The following JAK1 variants were observed in gnomAD, a reference collection of about 807,000 sequenced individuals.
JAK1 encodes tyrosine-protein kinase JAK1.
Under a neutral mutation model 136.6 loss-of-function variants are expected in JAK1, and 16 were observed. The ratio of observed to expected loss-of-function variants is 0.12; its 90% CI spans 0.08 to 0.18. JAK1 has a LOEUF of 0.18. Among genes scored for constraint, JAK1 ranks in the 10% least tolerant of loss-of-function variants. The pLI, the probability that JAK1 is intolerant of heterozygous loss-of-function variation, is 1.00. For synonymous variants in JAK1, 492 were observed against 519.5 expected (o/e 0.95, Z 0.72); for missense variants, 859 against 1,450.1 (o/e 0.59, Z 6.62).
At chr1:64,958,092 G>A (rs1286769240) in intron 1 of JAK1, among the ~76,000 whole-genome samples, 1 of 152,240 alleles carries the variant, frequency 6.6e-6, no homozygotes, top group African/African-American at 2.4e-5. Context: ...AAGGGCAGGA[G>A]CCAAGCCCAT....
At chr1:65,041,583 T>A (rs923703963) in intron 2 of JAK1, among the ~76,000 whole-genome samples, 1 of 152,144 alleles carries the variant, frequency 6.6e-6, no homozygotes, top group African/African-American at 2.4e-5. Flanking sequence ...GATCATCTGA[T>A]TCTGTATGTT....
chr1:65,060,593 T>C (rs1244373001), intron 1 of JAK1, among the ~76,000 whole-genome samples: 1 of 152,142 alleles, frequency 6.6e-6, no homozygotes, highest in Admixed American at 6.5e-5. Flanking sequence ...TTTCTCTCAT[T>C]TCATTTTTTT....
chr1:64,858,474 T>C (rs935722200), intron 9 of JAK1, among the ~76,000 whole-genome samples: 11 of 152,234 alleles, frequency 7.2e-5, no homozygotes, highest in African/African-American at 2.7e-4. Context: ...CTCATCTAGG[T>C]ACCCTTTCCG....
At chr1:65,016,170 A>G (rs189576597) in intron 2 of JAK1, among the ~76,000 whole-genome samples, 5 of 152,264 alleles carry the variant, frequency 3.3e-5, no homozygotes, top group Non-Finnish European at 5.9e-5. Flanking sequence ...AACTAGACGC[A>G]AGTTTGTCAG....
At position 64,860,088 on chromosome 1, in the gene JAK1, A is replaced by G; in HGVS notation, c.1334+17T>C. On this transcript the variant is annotated intron_variant, in intron 9 of 24. Transcript: ENST00000342505. The stretch of plus-strand genomic sequence containing the variant: ...TCTCTGCACACCAAAGGCAACTGAT[A>G]AGGTTCTAGGACCAACCAGATTGGA... 1 of 1,494,628 alleles carries G rather than the reference A, an allele frequency of 6.7e-7. No individual in the cohort carries two copies. Among genetic ancestry groups the G allele is most frequent in the Non-Finnish European group, 9.0e-7 (1 of 1,109,544 alleles). 92.6% of individuals were successfully genotyped at this position (1,494,628 alleles called of 1,614,324 possible).
At position 64,834,249 on chromosome 1, in the gene JAK1, G is replaced by A. The variant is rs549172032; in HGVS notation, c.*313C>T. On this transcript the variant is annotated 3_prime_UTR_variant, in exon 25 of 25. Coordinates refer to ENST00000342505, the MANE Select transcript of JAK1 (RefSeq NM_002227.4). ...TCAAAAATCCCCTTTTGGTAATGCA[G>A]TTGTGATGGTGAACTAGCCAGATGA... The A allele has an allele frequency of 1.6e-5, 4 of 248,830 alleles. No homozygotes were observed. The East Asian group carries it at 2.3e-4, about 14-fold the overall frequency. 15.4% of individuals were successfully genotyped at this position (248,830 alleles called of 1,614,324 possible).
In JAK1 at chr1:64,841,587, A is replaced by G. The variant is rs1439486888; in HGVS notation, c.2418T>C (p.Tyr806=). The G allele has an allele frequency of 1.2e-6, 2 of 1,614,022 alleles. No homozygotes were observed. The highest frequency in any genetic ancestry group is 2.2e-5 in the South Asian group (2 of 91,070). The part of the protein sequence containing the change: ...DKTLIEKERF[Y]ESRCRPVTPS... Reference sequence around the variant, plus strand: ...GTGTCACTGGCCTGCACCGGCTTTCATAGAATCTCTCTTTCTGTAAACAAG... The same window carrying G: ...GTGTCACTGGCCTGCACCGGCTTTCGTAGAATCTCTCTTTCTGTAAACAAG... Residue 806 remains tyrosine, a synonymous_variant, in exon 18 of 25, where the codon TAT becomes TAC. Coordinates refer to ENST00000342505, the MANE Select transcript of JAK1 (RefSeq NM_002227.4).
At chr1:64,997,115 G>A (rs991911681) in intron 2 of JAK1, among the ~76,000 whole-genome samples, 2 of 152,124 alleles carry the variant, frequency 1.3e-5, no homozygotes, top group African/African-American at 4.8e-5. Flanking sequence ...TTAACCCCAG[G>A]CAACTAGTAA....
At chr1:64,838,440 G>A (rs1477250515) in intron 21 of JAK1, 25 bp downstream of exon 21, 3 of 1,611,738 alleles carry the variant, frequency 1.9e-6, no homozygotes, top group Admixed American at 1.7e-5. Context: ...GTCTTAATCT[G>A]TAACATGATG....
chr1:64,855,801 C>T, intron 10 of JAK1, 103 bp from the exon 11 acceptor site: 1 of 877,896 alleles, frequency 1.1e-6, no homozygotes, highest in South Asian at 1.9e-5. Context: ...AATTTTGCAC[C>T]ATCTCTGTAA....
intron 1 of JAK1, among the ~76,000 whole-genome samples, chr1:64,946,873 T>C (rs1645997570): frequency 2.6e-5 from 4 of 152,148 alleles, no homozygotes; most frequent in Admixed American, 2.6e-4. Context: ...TGGAATATTA[T>C]TCAGCCTTTA....
chr1:65,048,769 T>C (rs1647213820), intron 1 of JAK1, among the ~76,000 whole-genome samples: 1 of 152,224 alleles, frequency 6.6e-6, no homozygotes, highest in South Asian at 2.1e-4. Context: ...CTCTGTAGCG[T>C]CGTCCCTTTG....
At chr1:64,898,523 G>C (rs1181279138) in intron 1 of JAK1, among the ~76,000 whole-genome samples, 2 of 152,268 alleles carry the variant, frequency 1.3e-5, no homozygotes, top group African/African-American at 4.8e-5. Flanking sequence ...AGTCATGTTG[G>C]ATGAAATTCT....
rs12086824 is a variant in JAK1, at chr1:64,952,389, T to C, written c.-78+13944A>G. 8.3e-3 allele frequency among the ~76,000 whole-genome samples: 1,270 copies of C among 152,316 alleles called. 17 individuals are homozygous for C. The highest frequency in any genetic ancestry group is 0.029 in the African/African-American group (1,201 of 41,548). ...CATTCTAAGGCTCAGTTTATTGATC[T>C]GAATTTCTGGCATAAACATTCAATA... is the stretch of plus-strand genomic sequence containing the variant. On this transcript the variant is annotated intron_variant, in intron 1 of 24. Transcript: ENST00000342505.
chr1:64,881,071 C>T (rs1286243410), intron 3 of JAK1, among the ~76,000 whole-genome samples: 1 of 151,894 alleles, frequency 6.6e-6, no homozygotes, highest in African/African-American at 2.4e-5. Context: ...GAGTTCGACA[C>T]CAGCCTGGGC....
At chr1:65,020,369 GA>G (rs1646928600) in intron 2 of JAK1, among the ~76,000 whole-genome samples, 1 of 151,678 alleles carries the variant, frequency 6.6e-6, no homozygotes, top group South Asian at 2.1e-4. Context: ...ATCACCAAAA[GA>G]CTGTGAACCA....
At chr1:64,923,833 C>A (rs1645537691) in intron 1 of JAK1, among the ~76,000 whole-genome samples, 2 of 152,260 alleles carry the variant, frequency 1.3e-5, no homozygotes, top group African/African-American at 4.8e-5. Flanking sequence ...CGCCTCCCAC[C>A]CCGACTCCTG....
intron 1 of JAK1, among the ~76,000 whole-genome samples, chr1:64,939,262 T>A (rs1645845033): frequency 6.6e-6 from 1 of 152,224 alleles, no homozygotes; most frequent in African/African-American, 2.4e-5. Flanking sequence ...GATCTAGGCA[T>A]GAACATATAC....
intron 1 of JAK1, among the ~76,000 whole-genome samples, chr1:65,046,870 CTCTTTTTTTTT>C (rs1647188426): frequency 2.1e-5 from 3 of 142,652 alleles, no homozygotes; most frequent in African/African-American, 8.0e-5. Flanking sequence ...CAGCCCCAAC[CTCTTTTTTTTT>C]TTTTTTTTTT....
Sources: gnomAD v4.1 joint callset for allele counts (sites outside exome capture counted in the v4.1 genomes callset) on GRCh38, gnomAD v4.1.1 for gene constraint, MANE v1.5 for transcripts, NCBI Gene and HGNC (gene_info 2026-07-23, HGNC 2026-07-21) for gene names.